The following EGR1 variants were observed in gnomAD, a reference collection of about 807,000 sequenced individuals.
EGR1 encodes the protein early growth response 1, also known as early growth response protein 1.
In EGR1, 8 loss-of-function variants were observed where a neutral mutation model predicts 30.2. That is an observed-to-expected ratio of 0.26 (90% CI 0.16 to 0.48). The LOEUF is 0.48. Ranked by LOEUF, EGR1 falls within the 20% of genes least tolerant of loss-of-function variation. EGR1 has a pLI of 0.99. For synonymous variants in EGR1, 334 were observed against 312.8 expected, an observed-to-expected ratio of 1.07 and a Z score of -0.72; for missense variants, 568 against 732.3, an observed-to-expected ratio of 0.78 and a Z score of 2.59.
chr5:138,467,708 G>C lies in EGR1; in HGVS notation c.1259G>C (p.Arg420Pro), dbSNP rs1166693992. Reference protein sequence around the residue: ...ERKRHTKIHLRQKDKKADKSV... With the variant: ...ERKRHTKIHLPQKDKKADKSV... ...AAGAGGCATACCAAGATCCACTTGC[G>C]GCAGAAGGACAAGAAAGCAGACAAA... is the stretch of plus-strand genomic sequence containing the variant. Residue 420 changes from arginine (R) to proline (P), a missense_variant, in exon 2 of 2, where the codon CGG becomes CCG. By Grantham distance (103) the Arg-to-Pro change is moderately radical (BLOSUM62 -2). Transcript: ENST00000239938. This position sits in a 1 kb window ranked among gnomAD's most constrained non-coding sequence, Gnocchi z 8.3. 1 of 1,614,056 alleles carries C rather than the reference G, an allele frequency of 6.2e-7. No homozygotes were observed. The highest frequency in any genetic ancestry group is 8.5e-7 in the Non-Finnish European group (1 of 1,180,042).
rs535038686 is a variant in EGR1 at position 138,467,704 on chromosome 5, T to C, written c.1255T>C (p.Leu419=). ...DERKRHTKIH[L]RQKDKKADKS... ...ACGCAAGAGGCATACCAAGATCCAC[T>C]TGCGGCAGAAGGACAAGAAAGCAGA... Residue 419 remains leucine, a synonymous_variant, in exon 2 of 2, where the codon TTG becomes CTG. Coordinates refer to ENST00000239938, the MANE Select transcript of EGR1 (RefSeq NM_001964.3). The surrounding 1 kb of genome is among the most constrained non-coding windows in gnomAD (Gnocchi z 8.3). The C allele has an allele frequency of 6.8e-5, 110 of 1,614,208 alleles. No individual in the cohort carries two copies. The South Asian group carries it at 1.2e-3, about 17-fold the overall frequency.
chr5:138,467,448 C>T lies in EGR1; in HGVS notation c.999C>T (p.Pro333=), dbSNP rs1363666636. The T allele has an allele frequency of 6.2e-7, 1 of 1,614,170 alleles. No individual in the cohort carries two copies. Among genetic ancestry groups the T allele is most frequent in the Non-Finnish European group, 8.5e-7 (1 of 1,180,034 alleles). Residue 333 remains proline (P), a synonymous_variant, in exon 2 of 2, where the codon CCC becomes CCT. Transcript: ENST00000239938. The surrounding 1 kb of genome is among the most constrained non-coding windows in gnomAD (Gnocchi z 8.3). The part of the protein sequence containing the change: ...KYPNRPSKTP[P]HERPYACPVE... The stretch of plus-strand genomic sequence containing the variant: ...CCAACCGGCCCAGCAAGACGCCCCC[C>T]CACGAACGCCCTTACGCTTGCCCAG...
At position 138,468,786 on chromosome 5, in the gene EGR1, CT is replaced by C. The variant is rs113788672; in HGVS notation, c.*720del. On this transcript the variant is annotated 3_prime_UTR_variant, in exon 2 of 2. Coordinates refer to ENST00000239938, the MANE Select transcript of EGR1 (RefSeq NM_001964.3). ...TGTGGCAAAATATGGTTTGGTTTTTCTTTTTTTTTTTTTTTGAAAGTGTTTT... is the reference window on the plus strand; with the variant it reads ...TGTGGCAAAATATGGTTTGGTTTTTCTTTTTTTTTTTTTTGAAAGTGTTTT... The C allele has an allele frequency of 3.7e-3, 500 of 134,856 alleles. No individual in the cohort carries two copies. Among genetic ancestry groups the C allele is most frequent in the African/African-American group, 3.9e-3 (141 of 36,598 alleles). 8.4% of individuals were successfully genotyped at this position (134,856 alleles called of 1,614,324 possible).
Position 138,467,163 on chromosome 5 carries a change from T to C in EGR1, c.714T>C (p.Pro238=). The part of the protein sequence containing the change: ...SAGTALQYPP[P]AYPAAKGGFQ... ...GGACAGCGCTCCAGTACCCGCCTCC[T>C]GCCTACCCTGCCGCCAAGGGTGGCT... Residue 238 remains proline (P), a synonymous_variant, in exon 2 of 2, where the codon CCT becomes CCC. Coordinates refer to ENST00000239938, the MANE Select transcript of EGR1 (RefSeq NM_001964.3). The surrounding 1 kb of genome is among the most constrained non-coding windows in gnomAD (Gnocchi z 8.3). 2 of 1,613,026 alleles carry C rather than the reference T, an allele frequency of 1.2e-6. No individual in the cohort carries two copies. Among genetic ancestry groups the C allele is most frequent in the Non-Finnish European group, 1.7e-6 (2 of 1,179,924 alleles).
rs565500696 is a variant in EGR1, at chr5:138,465,815, C to T, written c.54C>T (p.Asp18=). The T allele has an allele frequency of 1.9e-6, 3 of 1,613,944 alleles. No homozygotes were observed. The highest frequency in any genetic ancestry group is 2.7e-5 in the African/African-American group (2 of 75,064). The part of the protein sequence containing the change: ...MQLMSPLQIS[D]PFGSFPHSPT... ...TGATGTCCCCGCTGCAGATCTCTGA[C>T]CCGTTCGGATCCTTTCCTCACTCGC... The change falls in exon 1 of 2, where the codon GAC becomes GAT. Residue 18 remains aspartate (D), a synonymous_variant. Coordinates refer to ENST00000239938, the MANE Select transcript of EGR1 (RefSeq NM_001964.3).
At position 138,468,180 on chromosome 5, in the gene EGR1, G is replaced by T. The variant is rs1764186473; in HGVS notation, c.*99G>T. Reference sequence around the variant, plus strand: ...CCATAGGAGAGGAGGGTTCCTCTTAGGTCAGATGGAGGTTCTCAGAGCCAA... The same window carrying T: ...CCATAGGAGAGGAGGGTTCCTCTTATGTCAGATGGAGGTTCTCAGAGCCAA... On this transcript the variant is annotated 3_prime_UTR_variant, in exon 2 of 2. Transcript: ENST00000239938. 2.0e-6 allele frequency: 3 copies of T among 1,524,218 alleles called. No individual in the cohort carries two copies. Among genetic ancestry groups the T allele is most frequent in the Non-Finnish European group, 2.6e-6 (3 of 1,136,210 alleles). The allele number at this position is 1,524,218 out of a possible 1,614,324, so 94.4% of individuals were successfully genotyped here.
Position 138,465,677 on chromosome 5 carries a change from G to GC in EGR1, c.-80dup, listed in dbSNP as rs1764142614. ...CGCGCCCCGCATGTAACCCGGCCAGGCCCCCGCAACTGTGTCCCCTGCAGC... is the reference window on the plus strand; with the variant it reads ...CGCGCCCCGCATGTAACCCGGCCAGGCCCCCCGCAACTGTGTCCCCTGCAGC... On this transcript the variant is annotated 5_prime_UTR_variant, in exon 1 of 2. Transcript: ENST00000239938. 2.1e-6 allele frequency: 3 copies of GC among 1,407,010 alleles called. No individual in the cohort carries two copies. In the East Asian group the frequency reaches 8.1e-5, roughly 38 times the overall value. 87.2% of individuals were successfully genotyped at this position (1,407,010 alleles called of 1,614,324 possible).
Position 138,466,067 on chromosome 5 carries a change from A to G in EGR1, c.306A>G (p.Ala102=). ...AGCAGCCCTACGAGCACCTGACCGC[A>G]GGTAAGCAGTGGCCTACGCCGAGGG... is the stretch of plus-strand genomic sequence containing the variant. ...TGEQPYEHLT[A]ESFPDISLNN... is the part of the protein sequence containing the mutation. Residue 102 remains alanine (A), a splice_region_variant and synonymous_variant, in exon 1 of 2, where the codon GCA becomes GCG. Transcript: ENST00000239938. 5 of 1,575,030 alleles carry G rather than the reference A, an allele frequency of 3.2e-6. No individual in the cohort carries two copies. The highest frequency in any genetic ancestry group is 4.3e-6 in the Non-Finnish European group (5 of 1,162,524).
Position 138,468,164 on chromosome 5 carries a change from A to T in EGR1, c.*83A>T. The T allele has an allele frequency of 6.5e-7, 1 of 1,530,844 alleles. No homozygotes were observed. The highest frequency in any genetic ancestry group is 8.8e-7 in the Non-Finnish European group (1 of 1,140,184). 94.8% of individuals were successfully genotyped at this position (1,530,844 alleles called of 1,614,324 possible). Reference sequence around the variant, plus strand: ...CAGGAGGAGGAGATGGCCATAGGAGAGGAGGGTTCCTCTTAGGTCAGATGG... The same window carrying T: ...CAGGAGGAGGAGATGGCCATAGGAGTGGAGGGTTCCTCTTAGGTCAGATGG... On this transcript the variant is annotated 3_prime_UTR_variant, in exon 2 of 2. Coordinates refer to ENST00000239938, the MANE Select transcript of EGR1 (RefSeq NM_001964.3).
chr5:138,467,067 A>C lies in EGR1; in HGVS notation c.618A>C (p.Ala206=). ...ACAGCAGTCCCATTTACTCAGCGGC[A>C]CCCACCTTCCCCACGCCGAACACTG... ...SNDSSPIYSA[A]PTFPTPNTDI... Residue 206 remains alanine (A), a synonymous_variant, in exon 2 of 2, where the codon GCA becomes GCC. Transcript: ENST00000239938. The surrounding 1 kb of genome is among the most constrained non-coding windows in gnomAD (Gnocchi z 8.3). The C allele has an allele frequency of 6.2e-7, 1 of 1,613,858 alleles. No individual in the cohort carries two copies. Among genetic ancestry groups the C allele is most frequent in the Middle Eastern group, 1.6e-4 (1 of 6,062 alleles).
At chr5:138,466,664 G>A (rs1316252408) in intron 1 of EGR1, 93 bp from the exon 2 acceptor site, 1 of 1,439,156 alleles carries the variant, frequency 6.9e-7, no homozygotes, top group East Asian at 2.3e-5. Context: ...AATGGTAGCC[G>A]GCCCGGTCTC....
chr5:138,467,651 G>A lies in EGR1; in HGVS notation c.1202G>A (p.Cys401Tyr), dbSNP rs1437446571. 1 of 1,614,052 alleles carries A rather than the reference G, an allele frequency of 6.2e-7. No individual in the cohort carries two copies. The highest frequency in any genetic ancestry group is 1.3e-5 in the African/African-American group (1 of 74,924). ...GAAAAGCCCTTCGCCTGCGACATCTGTGGAAGAAAGTTTGCCAGGAGCGAT... is the reference window on the plus strand; with the variant it reads ...GAAAAGCCCTTCGCCTGCGACATCTATGGAAGAAAGTTTGCCAGGAGCGAT... ...TGEKPFACDI[C>Y]GRKFARSDER... The change falls in exon 2 of 2, where the codon TGT becomes TAT. Residue 401 changes from cysteine (C) to tyrosine (Y), a missense_variant. Physicochemically the swap from Cys to Tyr is radical, Grantham distance 194 (BLOSUM62 -2). Transcript: ENST00000239938. The surrounding 1 kb of genome is among the most constrained non-coding windows in gnomAD (Gnocchi z 8.3).
At position 138,468,380 on chromosome 5, in the gene EGR1, A is replaced by G; in HGVS notation, c.*299A>G. The G allele has an allele frequency of 1.8e-6, 1 of 549,796 alleles. No homozygotes were observed. Among genetic ancestry groups the G allele is most frequent in the Non-Finnish European group, 3.4e-6 (1 of 292,020 alleles). 34.1% of individuals were successfully genotyped at this position (549,796 alleles called of 1,614,324 possible). A position where few individuals can be genotyped will look rare whatever the true frequency, so the allele number is the denominator to read the frequency against. On this transcript the variant is annotated 3_prime_UTR_variant, in exon 2 of 2. Coordinates refer to ENST00000239938, the MANE Select transcript of EGR1 (RefSeq NM_001964.3). Reference sequence around the variant, plus strand: ...TGGATTTTGGATAAATCATTTCAGTATCATCTCCATCATATGCCTGACCCC... The same window carrying G: ...TGGATTTTGGATAAATCATTTCAGTGTCATCTCCATCATATGCCTGACCCC...
Position 138,465,822 on chromosome 5 carries a change from G to C in EGR1, c.61G>C (p.Gly21Arg). The change falls in exon 1 of 2, where the codon GGA becomes CGA. Residue 21 changes from glycine (G) to arginine (R), a missense_variant. Gly to Arg is a moderately radical substitution (Grantham distance 125, BLOSUM62 -2). Around this residue, in one of 4 missense-constraint regions of EGR1, gnomAD observed 415 missense variants for 445.2 expected, o/e 0.93. Transcript: ENST00000239938. The stretch of plus-strand genomic sequence containing the variant: ...CCCGCTGCAGATCTCTGACCCGTTC[G>C]GATCCTTTCCTCACTCGCCCACCAT... ...MSPLQISDPF[G>R]SFPHSPTMDN... The C allele has an allele frequency of 6.2e-7, 1 of 1,613,946 alleles. No individual in the cohort carries two copies. Among genetic ancestry groups the C allele is most frequent in the Non-Finnish European group, 8.5e-7 (1 of 1,179,844 alleles).
At position 138,468,485 on chromosome 5, in the gene EGR1, A is replaced by C. The variant is rs200583571; in HGVS notation, c.*404A>C. 3 of 309,382 alleles carry C rather than the reference A, an allele frequency of 9.7e-6. No individual in the cohort carries two copies. Among genetic ancestry groups the C allele is most frequent in the Non-Finnish European group, 6.5e-6 (1 of 153,122 alleles). The allele number at this position is 309,382 out of a possible 1,614,324, so 19.2% of individuals were successfully genotyped here. A position where few individuals can be genotyped will look rare whatever the true frequency, so the allele number is the denominator to read the frequency against. On this transcript the variant is annotated 3_prime_UTR_variant, in exon 2 of 2. Transcript: ENST00000239938. ...AGAGCCCTGCCCTGCACCCTTGTAC[A>C]GTGTCTGTGCCATGGATTTCGTTTT...
At position 138,468,021 on chromosome 5, in the gene EGR1, C is replaced by T. The variant is rs1764184543; in HGVS notation, c.1572C>T (p.Ala524=). 1 of 1,609,340 alleles carries T rather than the reference C, an allele frequency of 6.2e-7. No individual in the cohort carries two copies. Among genetic ancestry groups the T allele is most frequent in the Non-Finnish European group, 8.5e-7 (1 of 1,178,210 alleles). ...CAGCTGTCACCAACTCCTTCAGCGC[C>T]TCCACAGGGCTTTCGGACATGACAG... is the stretch of plus-strand genomic sequence containing the variant. ...PSSAVTNSFS[A]STGLSDMTAT... is the part of the protein sequence containing the mutation. Residue 524 remains alanine, a synonymous_variant, in exon 2 of 2, where the codon GCC becomes GCT. Transcript: ENST00000239938.
At chr5:138,466,182 C>T (rs989905957) in intron 1 of EGR1, 114 bp downstream of exon 1, 42 of 1,416,560 alleles carry the variant, frequency 3.0e-5, no homozygotes, top group Non-Finnish European at 3.5e-5. Flanking sequence ...CCCTTTCATT[C>T]CTCGCATCCC....
In EGR1 at chr5:138,467,441, C is replaced by T. The variant is rs1230522969; in HGVS notation, c.992C>T (p.Thr331Met). 8.1e-6 allele frequency: 13 copies of T among 1,614,052 alleles called. No homozygotes were observed. The highest frequency in any genetic ancestry group is 1.0e-5 in the Non-Finnish European group (12 of 1,180,052). The change falls in exon 2 of 2, where the codon ACG becomes ATG. Residue 331 changes from threonine to methionine, a missense_variant. Coordinates refer to ENST00000239938, the MANE Select transcript of EGR1 (RefSeq NM_001964.3). This position sits in a 1 kb window ranked among gnomAD's most constrained non-coding sequence, Gnocchi z 8.3. ...MRKYPNRPSK[T>M]PPHERPYACP... ...AAGTACCCCAACCGGCCCAGCAAGA[C>T]GCCCCCCCACGAACGCCCTTACGCT...
rs200962603 is a variant in EGR1 at position 138,467,037 on chromosome 5, C to T, written c.588C>T (p.Ser196=). The T allele has an allele frequency of 1.2e-6, 2 of 1,614,076 alleles. No homozygotes were observed. Among genetic ancestry groups the T allele is most frequent in the South Asian group, 2.2e-5 (2 of 91,082 alleles). ...CACCCCTGAGCTGCGCAGTGCCATC[C>T]AACGACAGCAGTCCCATTTACTCAG... ...QSPPLSCAVP[S]NDSSPIYSAA... is the part of the protein sequence containing the mutation. The change falls in exon 2 of 2, where the codon TCC becomes TCT. Residue 196 remains serine, a synonymous_variant. Coordinates refer to ENST00000239938, the MANE Select transcript of EGR1 (RefSeq NM_001964.3). This position sits in a 1 kb window ranked among gnomAD's most constrained non-coding sequence, Gnocchi z 8.3.
Sources: allele counts gnomAD v4.1 joint callset, GRCh38; gene constraint gnomAD v4.1.1; regional missense constraint gnomAD v4.1.1; non-coding constraint Gnocchi (gnomAD v3.1); transcripts MANE v1.5; gene names NCBI Gene and HGNC (gene_info 2026-07-23, HGNC 2026-07-21).